FCN2: variants seen among roughly 807,000 people sequenced by gnomAD.
FCN2 encodes the protein ficolin 2, also known as ficolin-2.
A neutral mutation model predicts 32.5 loss-of-function variants in FCN2; 31 were observed. The ratio of observed to expected loss-of-function variants is 0.96; its 90% CI spans 0.72 to 1.29. The LOEUF is 1.29. FCN2 is among the 50% of genes most tolerant of loss of function. The pLI is 0.00. For synonymous variants in FCN2, 181 were observed against 164.5 expected (o/e 1.10, Z -0.77); for missense variants, 412 against 406.5 (o/e 1.01, Z -0.12).
rs1478876089 is a variant in FCN2, at chr9:134,882,647, C to T, written c.214+8C>T. ...GCACCAATGGAAAGAGAGGTAGGTG[C>T]AGGCATGGCTGGGGGCACTGGCTCT... On this transcript the variant is annotated splice_region_variant and intron_variant, in intron 2 of 7. Transcript: ENST00000291744. The T allele has an allele frequency of 1.3e-6, 2 of 1,583,276 alleles. No individual in the cohort carries two copies. The highest frequency in any genetic ancestry group is 1.1e-5 in the South Asian group (1 of 90,492).
At chr9:134,883,722 C>T (rs1279074207) in intron 3 of FCN2, among the ~76,000 whole-genome samples, 1 of 134,662 alleles carries the variant, frequency 7.4e-6, no homozygotes, top group Non-Finnish European at 1.6e-5. Flanking sequence ...GGAGGGGTTC[C>T]CGGTGGGCAG....
At chr9:134,880,471 T>A (rs1830646390), upstream of FCN2, among the ~76,000 whole-genome samples, 1 of 152,166 alleles carries the variant, frequency 6.6e-6, no homozygotes, top group Admixed American at 6.5e-5. Flanking sequence ...AAGCAGAACA[T>A]CTTTAGCAAA....
rs1330430686 is a variant in FCN2, at chr9:134,885,363, G to A, written c.426G>A (p.Trp142Ter). 6.2e-7 allele frequency: 1 copy of A among 1,613,510 alleles called. No individual in the cohort carries two copies. Among genetic ancestry groups the A allele is most frequent in the African/African-American group, 1.3e-5 (1 of 75,050 alleles). The change falls in exon 5 of 8, where the codon TGG becomes TGA. Residue 142 changes from tryptophan to a stop codon, truncating the protein, a stop_gained. Coordinates refer to ENST00000291744, the MANE Select transcript of FCN2 (RefSeq NM_004108.3). LOFTEE classifies it high-confidence loss of function. ...ACATGGACACGGACGGAGGGGGCTG[G>A]ACCGTGAGTGTGGGGCTGGGCAGAG... is the stretch of plus-strand genomic sequence containing the variant. ...LCDMDTDGGG[W>*]TVFQRRVDGS...
upstream of FCN2, among the ~76,000 whole-genome samples, chr9:134,878,887 T>C (rs1190507608): frequency 6.6e-6 from 1 of 152,236 alleles, no homozygotes; most frequent in South Asian, 2.1e-4. Context: ...GCCTTCATTT[T>C]AAAAGTGTGA....
chr9:134,885,707 C>A (rs904557092), intron 5 of FCN2, 61 bp from the exon 6 acceptor site: 3 of 1,610,854 alleles, frequency 1.9e-6, no homozygotes, highest in Non-Finnish European at 2.5e-6. Flanking sequence ...GAGGGCGGGT[C>A]CCCCGTGCTG....
chr9:134,884,493 T>G (rs1021561264), intron 3 of FCN2, among the ~76,000 whole-genome samples: 1 of 152,158 alleles, frequency 6.6e-6, no homozygotes, highest in Non-Finnish European at 1.5e-5. Flanking sequence ...CTCAGCAGTC[T>G]CTGGGATGGT....
the FCN2 span, among the ~76,000 whole-genome samples, chr9:134,871,339 G>C: frequency 6.6e-6 from 1 of 152,126 alleles, no homozygotes; most frequent in Non-Finnish European, 1.5e-5. Flanking sequence ...CCACTGTTTG[G>C]GCTGTCCCTG....
the FCN2 span, among the ~76,000 whole-genome samples, chr9:134,869,498 C>T: frequency 1.3e-5 from 2 of 152,084 alleles, no homozygotes; most frequent in East Asian, 1.9e-4. Flanking sequence ...TCCCCAGCCT[C>T]GGTCTCTCTC....
chr9:134,878,607 C>G (rs1253315474), upstream of FCN2, among the ~76,000 whole-genome samples: 1 of 152,198 alleles, frequency 6.6e-6, no homozygotes, highest in African/African-American at 2.4e-5. Flanking sequence ...CTTAGGGAGG[C>G]CAAGGTGGGT....
intron 7 of FCN2, 52 bp from the exon 8 acceptor site, chr9:134,887,116 G>C: frequency 6.2e-7 from 1 of 1,610,164 alleles, no homozygotes; most frequent in Non-Finnish European, 8.5e-7. Context: ...GACTTATACT[G>C]TCTGTAATGA....
In FCN2 at chr9:134,884,791, A is replaced by T. The variant is rs774169825; in HGVS notation, c.301+19A>T. The T allele has an allele frequency of 3.9e-5, 63 of 1,611,960 alleles. No individual in the cohort carries two copies. Among genetic ancestry groups the T allele is most frequent in the Admixed American group, 2.3e-4 (14 of 59,872 alleles). On this transcript the variant is annotated intron_variant, in intron 4 of 7. Transcript: ENST00000291744. ...CTGACAGGTGACTGACCACCCCCACACTCCTCCCACGGCTTGTGGCTGCCC... is the reference window on the plus strand; with the variant it reads ...CTGACAGGTGACTGACCACCCCCACTCTCCTCCCACGGCTTGTGGCTGCCC...
the FCN2 span, among the ~76,000 whole-genome samples, chr9:134,870,854 A>G: frequency 0.42 from 63,844 of 151,880 alleles, 15,090 homozygotes; most frequent in African/African-American, 0.63. The surrounding 1 kb of genome is among the most constrained non-coding windows in gnomAD (Gnocchi z 4.3). Context: ...CAGCTTGTGC[A>G]CTCAGAGCCT....
intron 3 of FCN2, 78 bp downstream of exon 3, chr9:134,883,433 C>A: frequency 7.6e-7 from 1 of 1,308,144 alleles, no homozygotes; most frequent in Non-Finnish European, 1.1e-6. Context: ...GGCGGGTCTT[C>A]TGGGGCTGCC....
At chr9:134,883,140 C>T (rs1186745477) in intron 2 of FCN2, among the ~76,000 whole-genome samples, 162 bp from the exon 3 acceptor site, 7 of 152,218 alleles carry the variant, frequency 4.6e-5, no homozygotes, top group African/African-American at 1.7e-4. Context: ...GGATCTAGAA[C>T]CTTCTGGTGC....
chr9:134,880,177 A>G (rs763111085), upstream of FCN2, among the ~76,000 whole-genome samples: 1 of 152,100 alleles, frequency 6.6e-6, no homozygotes, highest in Non-Finnish European at 1.5e-5. Flanking sequence ...CCTGGGTCAT[A>G]GTCCCCCAGG....
At chr9:134,881,506 G>A (rs976505420) in intron 1 of FCN2, among the ~76,000 whole-genome samples, 1 of 152,142 alleles carries the variant, frequency 6.6e-6, no homozygotes, top group African/African-American at 2.4e-5. Context: ...GCCAAACCAT[G>A]GGCTCCGGCG....
At position 134,883,304 on chromosome 9, in the gene FCN2, G is replaced by A; in HGVS notation, c.217G>A (p.Glu73Lys). 6.2e-7 allele frequency: 1 copy of A among 1,612,990 alleles called. No homozygotes were observed. The highest frequency in any genetic ancestry group is 8.5e-7 in the Non-Finnish European group (1 of 1,178,970). ...GEAGTNGKRG[E>K]RGPPGPPGKA... is the part of the protein sequence containing the mutation. ...GTCAGTGTCTTTGGAAATTGCAGGAGAACGTGGCCCCCCTGGACCTCCTGG... is the reference window on the plus strand; with the variant it reads ...GTCAGTGTCTTTGGAAATTGCAGGAAAACGTGGCCCCCCTGGACCTCCTGG... Residue 73 changes from glutamate to lysine, a missense_variant and splice_region_variant, in exon 3 of 8, where the codon GAA (glutamate) becomes AAA (lysine). By Grantham distance (56) the Glu-to-Lys change is moderately conservative. Transcript: ENST00000291744.
chr9:134,874,355 C>G, the FCN2 span, among the ~76,000 whole-genome samples: 1 of 152,124 alleles, frequency 6.6e-6, no homozygotes, highest in East Asian at 1.9e-4. Flanking sequence ...TTTTCTATTT[C>G]CCACTGAGAG....
rs1323751915 is a variant in FCN2 at position 134,887,454 on chromosome 9, GT to G, written c.*41del. On this transcript the variant is annotated 3_prime_UTR_variant, in exon 8 of 8. Transcript: ENST00000291744. The stretch of plus-strand genomic sequence containing the variant: ...CAGGGTCAGGACGCCTCCACACATA[GT>G]TGGTTGGGGGGTAGGGTTGGGAGCT... 2 of 1,599,656 alleles carry G rather than the reference GT, an allele frequency of 1.3e-6. No homozygotes were observed. The highest frequency in any genetic ancestry group is 4.5e-5 in the East Asian group (2 of 44,818).
Sources: allele counts gnomAD v4.1 joint callset (sites outside exome capture counted in the v4.1 genomes callset), GRCh38; gene constraint gnomAD v4.1.1; non-coding constraint Gnocchi (gnomAD v3.1); transcripts MANE v1.5; gene names NCBI Gene and HGNC (gene_info 2026-07-23, HGNC 2026-07-21).